The following TGFB1 variants were observed in gnomAD, a reference collection of about 807,000 sequenced individuals.
The protein encoded by TGFB1 is transforming growth factor beta-1 proprotein.
A neutral mutation model predicts 43.8 loss-of-function variants in TGFB1; 19 were observed. The ratio of observed to expected loss-of-function variants is 0.43; its 90% confidence interval spans 0.30 to 0.64. The LOEUF (loss-of-function observed/expected upper bound fraction) is 0.64. Among genes scored for constraint, TGFB1 ranks in the 30% least tolerant of loss-of-function variants. The probability of loss-of-function intolerance (pLI) is 0.11; values close to 1 mark genes in which losing one functional copy is unlikely to be tolerated. For synonymous variants in TGFB1, 221 were observed against 236.3 expected, an observed-to-expected ratio of 0.94 and a Z score of 0.60; for missense variants, 445 against 529.8, an observed-to-expected ratio of 0.84 and a Z score of 1.57.
At chr19:41,335,056 CTT>C (rs66780031) in intron 5 of TGFB1, among the ~76,000 whole-genome samples, 3 of 144,098 alleles carry the variant, frequency 2.1e-5, no homozygotes, top group African/African-American at 2.5e-5. Flanking sequence ...TGTCCGGAAT[CTT>C]TTTTTTTTTT....
chr19:41,341,567 C>G (rs922820225), intron 5 of TGFB1, among the ~76,000 whole-genome samples: 1 of 151,442 alleles, frequency 6.6e-6, no homozygotes, highest in African/African-American at 2.4e-5. Flanking sequence ...GCGCCCACCA[C>G]GCCTGGCTAA....
intron 5 of TGFB1, among the ~76,000 whole-genome samples, chr19:41,338,178 C>T (rs1033996167): frequency 1.3e-5 from 2 of 149,512 alleles, no homozygotes; most frequent in Non-Finnish European, 3.0e-5. Context: ...GGTGACACAG[C>T]TAGACTCTGT....
chr19:41,330,397 A>G lies in TGFB1; in HGVS notation c.*655T>C, dbSNP rs1045284910. On this transcript the variant is annotated 3_prime_UTR_variant, in exon 7 of 7. Transcript: ENST00000221930. ...AGAGTAGCTGGGACCACAGGTGTAC[A>G]TTTTTTAAAAGTGTTTTGTAGAGAT... 1 of 152,026 alleles carries G rather than the reference A, an allele frequency of 6.6e-6. No homozygotes were observed. The highest frequency in any genetic ancestry group is 1.5e-5 in the Non-Finnish European group (1 of 68,014). The allele number at this position is 152,026 out of a possible 1,614,324, so 9.4% of individuals were successfully genotyped here.
At chr19:41,347,430 G>A (rs934627162) in intron 2 of TGFB1, among the ~76,000 whole-genome samples, 8 of 152,174 alleles carry the variant, frequency 5.3e-5, no homozygotes, top group Non-Finnish European at 1.2e-4. Context: ...CCTTTTCAGA[G>A]ATTCCAACTT....
At chr19:41,339,401 G>A (rs998883298) in intron 5 of TGFB1, among the ~76,000 whole-genome samples, 4 of 151,952 alleles carry the variant, frequency 2.6e-5, no homozygotes, top group African/African-American at 9.7e-5. Flanking sequence ...TTACAGGCAT[G>A]AGCCACCGCA....
chr19:41,330,910 G>T lies in TGFB1; in HGVS notation c.*142C>A. 1 of 664,068 alleles carries T rather than the reference G, an allele frequency of 1.5e-6. No homozygotes were observed. The highest frequency in any genetic ancestry group is 2.1e-5 in the South Asian group (1 of 47,168). The allele number at this position is 664,068 out of a possible 1,614,324, so 41.1% of individuals were successfully genotyped here. On this transcript the variant is annotated 3_prime_UTR_variant, in exon 7 of 7. Transcript: ENST00000221930. ...CAGGCGCCCAATGACACAGAGATCC[G>T]CAGTCCTCTCTCCATCTTTAATGGG...
intron 1 of TGFB1, among the ~76,000 whole-genome samples, chr19:41,349,473 C>A (rs2038156997): frequency 6.6e-6 from 1 of 152,070 alleles, no homozygotes. Context: ...TCTAAGAGTG[C>A]TGGCTGGGCG....
At position 41,353,322 on chromosome 19, in the gene TGFB1, C is replaced by T; in HGVS notation, c.-278G>A. 2.3e-6 allele frequency: 1 copy of T among 434,868 alleles called. No individual in the cohort carries two copies. Among genetic ancestry groups the T allele is most frequent in the South Asian group, 4.1e-5 (1 of 24,286 alleles). 26.9% of individuals were successfully genotyped at this position (434,868 alleles called of 1,614,324 possible). ...TGTGGCAGGTCGGAGAGAGATCCGT[C>T]TCCTGGAGGAGAAAGGGTCTAGGAT... On this transcript the variant is annotated 5_prime_UTR_variant, in exon 1 of 7. Transcript: ENST00000221930. This position sits in a 1 kb window ranked among gnomAD's most constrained non-coding sequence, Gnocchi z 5.9.
intron 6 of TGFB1, 128 bp downstream of exon 6, chr19:41,332,000 C>T: frequency 3.1e-6 from 4 of 1,285,818 alleles, no homozygotes; most frequent in Non-Finnish European, 4.4e-6. Context: ...ATTCCCCTCC[C>T]CACCCCATCC....
Position 41,352,700 on chromosome 19 carries a change from T to C in TGFB1, c.345A>G (p.Glu115=). 6.2e-7 allele frequency: 1 copy of C among 1,613,466 alleles called. No homozygotes were observed. Among genetic ancestry groups the C allele is most frequent in the Non-Finnish European group, 8.5e-7 (1 of 1,179,872 alleles). ...CCCCTCCGAGCTCACCGTTGTGGGT[T>C]TCCACCATTAGCACGCGGGTGACCT... The part of the protein sequence containing the change: ...AKEVTRVLMV[E]THNEIYDKFK... The change falls in exon 1 of 7, where the codon GAA becomes GAG. Residue 115 remains glutamate, a synonymous_variant. Transcript: ENST00000221930.
chr19:41,332,333 G>C, intron 5 of TGFB1, 52 bp from the exon 6 acceptor site: 1 of 1,582,730 alleles, frequency 6.3e-7, no homozygotes, highest in Non-Finnish European at 8.6e-7. Flanking sequence ...CACCATAGAA[G>C]CCACATGCCC....
chr19:41,342,457 C>T (rs1192380131), intron 3 of TGFB1, among the ~76,000 whole-genome samples: 2 of 150,280 alleles, frequency 1.3e-5, no homozygotes, highest in South Asian at 2.1e-4. Flanking sequence ...CCAAGCAATC[C>T]TCCCATCTCA....
At chr19:41,331,247 T>C in intron 6 of TGFB1, 37 bp from the exon 7 acceptor site, 1 of 1,474,172 alleles carries the variant, frequency 6.8e-7, no homozygotes, top group Non-Finnish European at 9.0e-7. Context: ...TCAGGGCTCG[T>C]GGAGGGAGGA....
At chr19:41,348,749 G>A (rs1007532953) in intron 1 of TGFB1, among the ~76,000 whole-genome samples, 9 of 151,386 alleles carry the variant, frequency 5.9e-5, no homozygotes, top group Admixed American at 6.6e-5. Context: ...TCAGCCTCCC[G>A]AGCAGCTGGG....
intron 2 of TGFB1, 81 bp downstream of exon 2, chr19:41,348,214 G>A: frequency 6.4e-7 from 1 of 1,551,804 alleles, no homozygotes; most frequent in Admixed American, 1.7e-5. Context: ...CTTGTAACCA[G>A]CCGACCCACA....
intron 6 of TGFB1, 79 bp from the exon 7 acceptor site, chr19:41,331,289 G>A (rs2123078164): frequency 2.8e-6 from 4 of 1,413,788 alleles, no homozygotes; most frequent in South Asian, 1.5e-5. Flanking sequence ...TCCCCCACCC[G>A]CTACCGCGCC....
At chr19:41,348,858 G>A (rs1237849999) in intron 1 of TGFB1, among the ~76,000 whole-genome samples, 2 of 151,834 alleles carry the variant, frequency 1.3e-5, no homozygotes, top group Non-Finnish European at 2.9e-5. Flanking sequence ...TCCTGACCTC[G>A]TGATCCACCC....
At chr19:41,335,193 C>T (rs11466347) in intron 5 of TGFB1, among the ~76,000 whole-genome samples, 19,638 of 151,874 alleles carry the variant, frequency 0.13, 1,558 homozygotes, top group East Asian at 0.27. Context: ...CCTGGGATTA[C>T]AGGCATGTGC....
In TGFB1 at chr19:41,348,441, A is replaced by T; in HGVS notation, c.370T>A (p.Phe124Ile). The T allele has an allele frequency of 6.2e-7, 1 of 1,613,084 alleles. No homozygotes were observed. Among genetic ancestry groups the T allele is most frequent in the African/African-American group, 1.3e-5 (1 of 74,920 alleles). ...TATATGCTGTGTGTACTCTGCTTGA[A>T]CTTGTCATAGATTTCTAGCAGGGAG... is the stretch of plus-strand genomic sequence containing the variant. ...VETHNEIYDKFKQSTHSIYMF... is the reference protein window; with the variant it reads ...VETHNEIYDKIKQSTHSIYMF... The change falls in exon 2 of 7, where the codon TTC becomes ATC. Residue 124 changes from phenylalanine (F) to isoleucine (I), a missense_variant. This residue lies in a region of TGFB1 where 366 missense variants were observed against 428.8 expected (regional missense o/e 0.85). Coordinates refer to ENST00000221930, the MANE Select transcript of TGFB1 (RefSeq NM_000660.7).
Sources: gnomAD v4.1 joint callset for allele counts (sites outside exome capture counted in the v4.1 genomes callset) on GRCh38, gnomAD v4.1.1 for gene constraint, gnomAD v4.1.1 regional missense constraint, Gnocchi (gnomAD v3.1) non-coding constraint, MANE v1.5 for transcripts, NCBI Gene and HGNC (gene_info 2026-07-23, HGNC 2026-07-21) for gene names.